The following ARHGAP17 variants were observed in gnomAD, a reference collection of about 807,000 sequenced individuals.
ARHGAP17 encodes rho GTPase-activating protein 17.
Under a neutral mutation model 99.5 loss-of-function variants are expected in ARHGAP17, and 57 were observed. The ratio of observed to expected loss-of-function variants is 0.57; its 90% CI spans 0.46 to 0.71. ARHGAP17 has a LOEUF of 0.71. ARHGAP17 is among the 30% of genes least tolerant of loss of function. The probability of loss-of-function intolerance (pLI) is 0.00; values close to 1 mark genes in which losing one functional copy is unlikely to be tolerated. For missense variants in ARHGAP17, 1,000 were observed against 1,122.4 expected (o/e 0.89, Z 1.56); for synonymous variants, 417 against 429.6 (o/e 0.97, Z 0.36).
Position 24,952,363 on chromosome 16 carries a change from T to C in ARHGAP17, c.972A>G (p.Leu324=). 2.5e-6 allele frequency: 4 copies of C among 1,612,714 alleles called. No individual in the cohort carries two copies. The highest frequency in any genetic ancestry group is 3.4e-6 in the Non-Finnish European group (4 of 1,179,160). Reference sequence around the variant, plus strand: ...CAGGCAATTCCCGTAAATAGGATTTTAAAGCACCTGAAATCATTAACACTC... The same window carrying C: ...CAGGCAATTCCCGTAAATAGGATTTCAAAGCACCTGAAATCATTAACACTC... ...YSDPHAVAGA[L]KSYLRELPEP... The change falls in exon 12 of 20, where the codon TTA becomes TTG. Residue 324 remains leucine (L), a synonymous_variant. Transcript: ENST00000289968.
intron 19 of ARHGAP17, among the ~76,000 whole-genome samples, chr16:24,926,898 G>A (rs572672539): frequency 6.6e-6 from 1 of 152,166 alleles, no homozygotes; most frequent in Non-Finnish European, 1.5e-5. Context: ...GGCCGGGTCC[G>A]GGCGTATGAG....
chr16:24,947,401 T>A lies in ARHGAP17; in HGVS notation c.1241+81A>T, dbSNP rs1263783246. On this transcript the variant is annotated intron_variant, in intron 14 of 19. Transcript: ENST00000289968. ...ACCTTGAATTGATCTTAAACTAGAA[T>A]GTGTAACCTGAGTTACATTTCTATG... 17 of 1,211,386 alleles carry A rather than the reference T, an allele frequency of 1.4e-5. 1 individual carries two copies. In the East Asian group the frequency reaches 1.9e-4, roughly 14 times the overall value. The allele number at this position is 1,211,386 out of a possible 1,614,324, so 75.0% of individuals were successfully genotyped here.
intron 3 of ARHGAP17, among the ~76,000 whole-genome samples, chr16:24,975,178 A>G (rs889459609): frequency 6.6e-6 from 1 of 152,152 alleles, no homozygotes; most frequent in Non-Finnish European, 1.5e-5. Flanking sequence ...CAAGGAATAT[A>G]AGAAAGCCCC....
intron 1 of ARHGAP17, among the ~76,000 whole-genome samples, chr16:24,980,062 T>TG (rs1251080900): frequency 6.6e-6 from 1 of 152,086 alleles, no homozygotes; most frequent in African/African-American, 2.4e-5. Context: ...CTCTGAACAG[T>TG]GAAGGGAGTC....
At chr16:24,980,004 C>T (rs1254585141) in intron 1 of ARHGAP17, among the ~76,000 whole-genome samples, 1 of 152,174 alleles carries the variant, frequency 6.6e-6, no homozygotes, top group Admixed American at 6.5e-5. Flanking sequence ...AGCCACCGCG[C>T]CTGGCGTGAA....
Position 24,919,831 on chromosome 16 carries a change from A to C in ARHGAP17, c.*299T>G. 1 of 233,600 alleles carries C rather than the reference A, an allele frequency of 4.3e-6. No individual in the cohort carries two copies. Among genetic ancestry groups the C allele is most frequent in the Non-Finnish European group, 8.3e-6 (1 of 119,896 alleles). The allele number at this position is 233,600 out of a possible 1,614,324, so 14.5% of individuals were successfully genotyped here. On this transcript the variant is annotated 3_prime_UTR_variant, in exon 20 of 20. Transcript: ENST00000289968. ...TTAACAGCAGGGACAAAAGCTTCCT[A>C]TGCGCGTTTCAGCAGGAATACTCTC...
intron 1 of ARHGAP17, among the ~76,000 whole-genome samples, chr16:24,982,997 T>TATATATATATATATATA (rs60104036): frequency 9.2e-5 from 2 of 21,720 alleles, no homozygotes; most frequent in Admixed American, 9.3e-4. Flanking sequence ...TATATATATA[T>TATATATATATATATATA]TTTTTTTTTT....
chr16:24,998,438 C>T (rs947570582), intron 1 of ARHGAP17, among the ~76,000 whole-genome samples: 4 of 151,672 alleles, frequency 2.6e-5, no homozygotes, highest in Non-Finnish European at 4.4e-5. Flanking sequence ...TGGGTGGTGA[C>T]GGCAACCATG....
chr16:24,939,245 A>C (rs542925759), intron 17 of ARHGAP17, 119 bp downstream of exon 17: 1 of 880,380 alleles, frequency 1.1e-6, no homozygotes, highest in East Asian at 2.9e-5. Flanking sequence ...AGTGAAAGTA[A>C]ATCTGTTCAC....
chr16:24,934,768 T>C (rs1265279747), intron 18 of ARHGAP17, among the ~76,000 whole-genome samples: 1 of 152,114 alleles, frequency 6.6e-6, no homozygotes, highest in Non-Finnish European at 1.5e-5. Context: ...GAAGAAGTGA[T>C]TTTTGAGGTG....
chr16:24,970,381 C>G (rs2052326048), intron 4 of ARHGAP17, 126 bp downstream of exon 4: 1 of 895,248 alleles, frequency 1.1e-6, no homozygotes, highest in Non-Finnish European at 1.8e-6. Flanking sequence ...CTCAGCCGGT[C>G]TCCTAGCGGA....
chr16:24,936,016 C>G, intron 17 of ARHGAP17: 1 of 328,658 alleles, frequency 3.0e-6, no homozygotes. Flanking sequence ...ACTCCAGTAT[C>G]ATCAGAGAGA....
intron 12 of ARHGAP17, 81 bp downstream of exon 12, chr16:24,952,208 G>A (rs2051666459): frequency 2.9e-6 from 3 of 1,031,856 alleles, no homozygotes; most frequent in Non-Finnish European, 4.3e-6. Flanking sequence ...TATGATCCCT[G>A]AGAATAAAAT....
chr16:24,997,269 T>A (rs1328203504), intron 1 of ARHGAP17, among the ~76,000 whole-genome samples: 1 of 151,424 alleles, frequency 6.6e-6, no homozygotes, highest in African/African-American at 2.4e-5. Flanking sequence ...AGGCGCCCAG[T>A]ACACACCCAG....
intron 19 of ARHGAP17, among the ~76,000 whole-genome samples, chr16:24,924,895 T>C (rs139579921): frequency 6.6e-5 from 10 of 152,076 alleles, no homozygotes; most frequent in Admixed American, 5.9e-4. Flanking sequence ...AAAAGCAGGT[T>C]CTAACAGGTG....
chr16:24,927,416 C>T (rs1272579991), intron 19 of ARHGAP17, among the ~76,000 whole-genome samples: 1 of 152,148 alleles, frequency 6.6e-6, no homozygotes, highest in Non-Finnish European at 1.5e-5. Flanking sequence ...CCTACTATAC[C>T]TCAAGCTTGC....
intron 1 of ARHGAP17, among the ~76,000 whole-genome samples, chr16:25,012,496 C>A (rs995768413): frequency 7.9e-5 from 12 of 152,212 alleles, no homozygotes; most frequent in African/African-American, 2.9e-4. Context: ...CCACCTAGAT[C>A]GCAGGGGCGA....
chr16:25,014,444 C>T (rs1170200700), intron 1 of ARHGAP17, among the ~76,000 whole-genome samples: 1 of 152,218 alleles, frequency 6.6e-6, no homozygotes, highest in Non-Finnish European at 1.5e-5. Context: ...ATTTAATAAT[C>T]AATAACGTTT....
chr16:24,942,226 G>C, intron 15 of ARHGAP17, 83 bp from the exon 16 acceptor site: 1 of 1,408,258 alleles, frequency 7.1e-7, no homozygotes, highest in East Asian at 2.3e-5. Context: ...ATTGGAACGG[G>C]AACCTCGTTC....
Sources: gnomAD v4.1 joint callset for allele counts (sites outside exome capture counted in the v4.1 genomes callset) on GRCh38, gnomAD v4.1.1 for gene constraint, MANE v1.5 for transcripts, NCBI Gene and HGNC (gene_info 2026-07-23, HGNC 2026-07-21) for gene names.